RBPJ: variants seen among roughly 807,000 people sequenced by gnomAD.
The protein encoded by RBPJ is recombination signal binding protein for immunoglobulin kappa J region.
Under a neutral mutation model 67.8 loss-of-function variants are expected in RBPJ, and 9 were observed. The ratio of observed to expected loss-of-function variants is 0.13; its 90% confidence interval spans 0.08 to 0.23. RBPJ has a LOEUF of 0.23. Among genes scored for constraint, RBPJ ranks in the 10% least tolerant of loss-of-function variants. The pLI is 1.00. For synonymous variants in RBPJ, 198 were observed against 203.3 expected, an observed-to-expected ratio of 0.97 and a Z score of 0.22; for missense variants, 305 against 595.6, an observed-to-expected ratio of 0.51 and a Z score of 5.08.
At chr4:26,215,036 AGAGG>A (rs1287345239) in intron 1 of RBPJ, among the ~76,000 whole-genome samples, 1 of 22,118 alleles carries the variant, frequency 4.5e-5, no homozygotes, top group South Asian at 1.8e-3. Flanking sequence ...AAGAAAAGAA[AGAGG>A]GAGGGAGGGA....
intron 1 of RBPJ, among the ~76,000 whole-genome samples, chr4:26,201,626 T>C: frequency 6.6e-6 from 1 of 152,192 alleles, no homozygotes; most frequent in East Asian, 1.9e-4. Context: ...TCACAATCCC[T>C]GGAAGCAAAA....
In RBPJ at chr4:26,420,592, C is replaced by T. The variant is rs576895584; in HGVS notation, c.363C>T (p.Asp121=). Residue 121 remains aspartate (D), a synonymous_variant, in exon 5 of 11, where the codon GAC becomes GAT. Transcript: ENST00000355476. Reference sequence around the variant, plus strand: ...AAACATTGTATATATCTGACTCAGACAAGCGAAAGCACTTCATGTTGTCTG... The same window carrying T: ...AAACATTGTATATATCTGACTCAGATAAGCGAAAGCACTTCATGTTGTCTG... ...TAKTLYISDS[D]KRKHFMLSVK... 12 of 1,613,298 alleles carry T rather than the reference C, an allele frequency of 7.4e-6. No homozygotes were observed. The highest frequency in any genetic ancestry group is 5.5e-5 in the South Asian group (5 of 90,840).
chr4:26,134,723 C>T, the RBPJ span, among the ~76,000 whole-genome samples: 28 of 152,272 alleles, frequency 1.8e-4, no homozygotes, highest in East Asian at 1.2e-3. Context: ...GCTCCTTCAA[C>T]GAGCAGGTAA....
intron 2 of RBPJ, among the ~76,000 whole-genome samples, chr4:26,392,573 G>A (rs758374129): frequency 1.3e-5 from 2 of 152,106 alleles, no homozygotes; most frequent in South Asian, 2.1e-4. Flanking sequence ...AAAAGAATAC[G>A]TACTGAATGA....
chr4:26,204,854 T>C (rs1162980017), intron 1 of RBPJ, among the ~76,000 whole-genome samples: 1 of 152,180 alleles, frequency 6.6e-6, no homozygotes, highest in East Asian at 1.9e-4. Context: ...TTTATTACTG[T>C]TAGTGTGTGC....
the RBPJ span, among the ~76,000 whole-genome samples, chr4:26,150,203 T>C: frequency 1.3e-5 from 2 of 152,244 alleles, no homozygotes; most frequent in African/African-American, 4.8e-5. Context: ...TCTAGTGATA[T>C]TCCCTATGCT....
In RBPJ at chr4:26,253,893, G is replaced by C. The variant is rs541485457; in HGVS notation, c.-167+90279G>C. ...TGAGGGTGGAGATTTCACTCTCTCC[G>C]TTTACAAATAGCCTGTGTCAAGCAC... On this transcript the variant is annotated intron_variant, in intron 1 of 4. Coordinates refer to the RBPJ transcript ENST00000512351. Among the ~76,000 whole-genome samples the C allele has an allele frequency of 1.1e-4, 16 of 149,000 alleles. 3 individuals are homozygous for C. Among genetic ancestry groups the C allele is most frequent in the African/African-American group, 4.2e-4 (16 of 38,502 alleles).
intron 1 of RBPJ, among the ~76,000 whole-genome samples, chr4:26,356,086 C>T (rs538096618): frequency 1.3e-5 from 2 of 152,318 alleles, no homozygotes; most frequent in East Asian, 1.9e-4. Flanking sequence ...TCAAAAACCA[C>T]GAGTGCCCAT....
chr4:26,420,533 T>G lies in RBPJ; in HGVS notation c.322-18T>G. On this transcript the variant is annotated intron_variant, in intron 4 of 10. Coordinates refer to ENST00000355476, the MANE Select transcript of RBPJ (RefSeq NM_015874.6). ...AACAAGGTTTTGCTGCTGTTAAAACTTTACTTTTCTTTCACAGAACTATTG... is the reference window on the plus strand; with the variant it reads ...AACAAGGTTTTGCTGCTGTTAAAACGTTACTTTTCTTTCACAGAACTATTG... 1 of 1,565,638 alleles carries G rather than the reference T, an allele frequency of 6.4e-7. No homozygotes were observed. The highest frequency in any genetic ancestry group is 8.7e-7 in the Non-Finnish European group (1 of 1,155,596).
intron 1 of RBPJ, among the ~76,000 whole-genome samples, chr4:26,235,912 G>A (rs1719437367): frequency 6.6e-6 from 1 of 152,186 alleles, no homozygotes; most frequent in Admixed American, 6.5e-5. Context: ...AGAAGGAATT[G>A]GAAGGGAAGG....
At chr4:26,301,673 T>C (rs1349954011) in intron 1 of RBPJ, among the ~76,000 whole-genome samples, 4 of 152,236 alleles carry the variant, frequency 2.6e-5, no homozygotes, top group Admixed American at 6.5e-5. Flanking sequence ...TTTAAAATAA[T>C]AGAAAATTTC....
the RBPJ span, among the ~76,000 whole-genome samples, chr4:26,105,660 A>G: frequency 4.6e-5 from 7 of 152,238 alleles, no homozygotes; most frequent in Non-Finnish European, 7.3e-5. Flanking sequence ...CCAACTGGAC[A>G]TAACTGGAGA....
chr4:26,353,994 G>C (rs1727082660), intron 1 of RBPJ, among the ~76,000 whole-genome samples: 1 of 151,220 alleles, frequency 6.6e-6, no homozygotes, highest in Non-Finnish European at 1.5e-5. Context: ...GCAGTGGCGT[G>C]ATCTCGGCTC....
chr4:26,117,991 A>G, the RBPJ span, among the ~76,000 whole-genome samples: 1 of 152,120 alleles, frequency 6.6e-6, no homozygotes, highest in Non-Finnish European at 1.5e-5. Flanking sequence ...GACATTTTAG[A>G]TATATTATCC....
chr4:26,208,799 C>T (rs1339976856), intron 1 of RBPJ, among the ~76,000 whole-genome samples: 1 of 152,034 alleles, frequency 6.6e-6, no homozygotes, highest in Middle Eastern at 3.2e-3. Context: ...TCCATGTGTG[C>T]CCAGCCTGTC....
intron 1 of RBPJ, among the ~76,000 whole-genome samples, chr4:26,191,182 TA>T (rs1717506619): frequency 5.3e-5 from 2 of 37,746 alleles, no homozygotes; most frequent in African/African-American, 2.4e-4. Context: ...AAAAAAAAAA[TA>T]TATATATATA....
intron 2 of RBPJ, among the ~76,000 whole-genome samples, chr4:26,386,634 G>A (rs1328748393): frequency 6.6e-6 from 1 of 152,160 alleles, no homozygotes; most frequent in Non-Finnish European, 1.5e-5. Flanking sequence ...TGAGTCTTAT[G>A]TAGTGAATAC....
chr4:26,407,205 C>G (rs3109836), intron 3 of RBPJ, among the ~76,000 whole-genome samples: 1 of 152,082 alleles, frequency 6.6e-6, no homozygotes, highest in Non-Finnish European at 1.5e-5. Context: ...TACCGTTTTG[C>G]AAAGGAAAAG....
intron 1 of RBPJ, among the ~76,000 whole-genome samples, chr4:26,283,221 T>A (rs13133257): frequency 1.4e-5 from 2 of 147,624 alleles, no homozygotes; most frequent in Non-Finnish European, 3.0e-5. Flanking sequence ...GAGCCACCGC[T>A]CCCGGCCTCT....
Sources: allele counts gnomAD v4.1 joint callset (sites outside exome capture counted in the v4.1 genomes callset), GRCh38; gene constraint gnomAD v4.1.1; transcripts MANE v1.5; gene names NCBI Gene and HGNC (gene_info 2026-07-23, HGNC 2026-07-21).